MITF: variants seen among roughly 807,000 people sequenced by gnomAD.
MITF encodes the protein melanocyte inducing transcription factor.
MITF carries 17 observed loss-of-function variants against 60.5 expected under a neutral mutation model. The observed-to-expected ratio is 0.28, with a 90% CI of 0.19 to 0.42. MITF has a LOEUF of 0.42. Among genes scored for constraint, MITF ranks in the 10% least tolerant of loss-of-function variants. The pLI, the probability that MITF is intolerant of heterozygous loss-of-function variation, is 1.00. For missense variants in MITF, 622 were observed against 683.5 expected (o/e 0.91, Z 1.00); for synonymous variants, 260 against 248.5 (o/e 1.05, Z -0.43).
intron 1 of MITF, among the ~76,000 whole-genome samples, chr3:69,771,545 T>C (rs1345188279): frequency 6.6e-6 from 1 of 152,228 alleles, no homozygotes; most frequent in African/African-American, 2.4e-5. Context: ...AACACACACA[T>C]AGCTGCTTCA....
At chr3:69,838,002 C>T (rs1418069214) in intron 1 of MITF, among the ~76,000 whole-genome samples, 3 of 152,016 alleles carry the variant, frequency 2.0e-5, no homozygotes, top group South Asian at 2.1e-4. Context: ...AAATTGCCAG[C>T]AGTGATTATA....
intron 1 of MITF, among the ~76,000 whole-genome samples, chr3:69,843,250 T>G (rs374180552): frequency 3.0e-5 from 1 of 32,988 alleles, no homozygotes; most frequent in Non-Finnish European, 5.6e-5. Flanking sequence ...AAGGGTATGT[T>G]GTTTGAGAAA....
intron 1 of MITF, chr3:69,866,344 T>C (rs1467330138): frequency 6.2e-7 from 1 of 1,613,718 alleles, no homozygotes; most frequent in Non-Finnish European, 8.5e-7. Flanking sequence ...AAAGCTTGTA[T>C]CTGTAAGTGA....
intron 7 of MITF, 120 bp downstream of exon 7, chr3:69,952,006 T>C (rs867285773): frequency 4.1e-5 from 31 of 761,066 alleles, no homozygotes; most frequent in Middle Eastern, 4.6e-4. Context: ...TTCTCTCTTA[T>C]GGAAGAAAAT....
chr3:69,825,522 C>T (rs1199915178), intron 1 of MITF, among the ~76,000 whole-genome samples: 1 of 152,134 alleles, frequency 6.6e-6, no homozygotes, highest in African/African-American at 2.4e-5. Flanking sequence ...TGGGGATTGT[C>T]TGCAAAGTGA....
intron 1 of MITF, chr3:69,866,318 A>C: frequency 6.2e-7 from 1 of 1,613,896 alleles, no homozygotes; most frequent in South Asian, 1.1e-5. Context: ...TCAGATGTTC[A>C]TGCCATGCTC....
At chr3:69,893,159 A>G (rs547635383) in intron 2 of MITF, among the ~76,000 whole-genome samples, 3 of 152,204 alleles carry the variant, frequency 2.0e-5, no homozygotes, top group East Asian at 1.9e-4. Context: ...CCTCCCTTTC[A>G]TAGTTATAGT....
chr3:69,783,083 T>G (rs11716109), intron 1 of MITF, among the ~76,000 whole-genome samples: 46,700 of 152,088 alleles, frequency 0.31, 8,572 homozygotes, highest in Non-Finnish European at 0.42. Context: ...CCTTTTGACC[T>G]TATTCCATCC....
intron 1 of MITF, among the ~76,000 whole-genome samples, chr3:69,745,395 C>T (rs1175704104): frequency 6.6e-6 from 1 of 152,054 alleles, no homozygotes; most frequent in Non-Finnish European, 1.5e-5. Flanking sequence ...GCTAATTATA[C>T]AAGGCAGAGT....
chr3:69,791,312 A>G (rs1365991883), intron 1 of MITF, among the ~76,000 whole-genome samples: 4 of 152,204 alleles, frequency 2.6e-5, no homozygotes, highest in African/African-American at 7.2e-5. Context: ...AGAAAACTCC[A>G]TGATCGCTGA....
At chr3:69,818,544 C>T (rs941269907) in intron 1 of MITF, among the ~76,000 whole-genome samples, 5 of 152,282 alleles carry the variant, frequency 3.3e-5, no homozygotes, top group Admixed American at 3.3e-4. Context: ...CACATGCCCA[C>T]CTTTCCAGTC....
chr3:69,787,570 T>C (rs375904123), intron 1 of MITF, among the ~76,000 whole-genome samples: 3 of 152,352 alleles, frequency 2.0e-5, no homozygotes. Flanking sequence ...TTTTTGAATT[T>C]GTAAAGCATT....
At chr3:69,922,815 C>G (rs996852707) in intron 2 of MITF, among the ~76,000 whole-genome samples, 4 of 152,218 alleles carry the variant, frequency 2.6e-5, no homozygotes, top group Non-Finnish European at 5.9e-5. Flanking sequence ...GACCAGCCCC[C>G]TCATCTCATC....
intron 8 of MITF, among the ~76,000 whole-genome samples, chr3:69,957,423 A>T (rs2066426433): frequency 6.6e-6 from 1 of 152,220 alleles, no homozygotes; most frequent in Admixed American, 6.5e-5. Flanking sequence ...GAGGATTTGT[A>T]ACAAAATAAA....
chr3:69,850,437 A>G (rs182231184), intron 1 of MITF, among the ~76,000 whole-genome samples: 2 of 152,342 alleles, frequency 1.3e-5, no homozygotes, highest in East Asian at 3.9e-4. Context: ...AAATAAGGTA[A>G]TGCATATAAA....
intron 1 of MITF, among the ~76,000 whole-genome samples, chr3:69,803,348 T>C (rs1444277761): frequency 1.3e-5 from 2 of 152,226 alleles, no homozygotes; most frequent in Non-Finnish European, 2.9e-5. Context: ...CTATGTTTAA[T>C]GGCAGTTTTA....
chr3:69,929,939 T>C (rs931877211), intron 2 of MITF, among the ~76,000 whole-genome samples: 6 of 152,152 alleles, frequency 3.9e-5, no homozygotes, highest in Non-Finnish European at 7.4e-5. Context: ...AAGATAACCA[T>C]GATTTGTAGA....
At chr3:69,865,963 A>G (rs994422791) in intron 1 of MITF, among the ~76,000 whole-genome samples, 1 of 152,206 alleles carries the variant, frequency 6.6e-6, no homozygotes, top group Non-Finnish European at 1.5e-5. Context: ...TGCAAGCCTC[A>G]GCCAGTACCG....
intron 2 of MITF, among the ~76,000 whole-genome samples, chr3:69,935,675 A>G (rs1246788221): frequency 1.3e-5 from 2 of 152,210 alleles, no homozygotes; most frequent in Non-Finnish European, 2.9e-5. Context: ...TGTCAGCAGT[A>G]GATATTAAGC....
Sources: allele counts gnomAD v4.1 joint callset (sites outside exome capture counted in the v4.1 genomes callset), GRCh38; gene constraint gnomAD v4.1.1; transcripts MANE v1.5; gene names NCBI Gene and HGNC (gene_info 2026-07-23, HGNC 2026-07-21).